The following MYH16 variants were observed in gnomAD, a reference collection of about 807,000 sequenced individuals.
The protein encoded by MYH16 is putative uncharacterized protein MYH16.
intron 21 of MYH16, among the ~76,000 whole-genome samples, chr7:99,278,630 G>A (rs534929751): frequency 6.6e-6 from 1 of 152,296 alleles, no homozygotes; most frequent in East Asian, 1.9e-4. Flanking sequence ...CAGTTTGGCA[G>A]ACATTTAGAG....
chr7:99,292,489 G>A (rs1792400370), exon 32 of MYH16: 4 of 468,460 alleles, frequency 8.5e-6, no homozygotes, highest in South Asian at 6.1e-5. Flanking sequence ...CCAGAGGACA[G>A]AGGAGCTGGA....
chr7:99,277,916 T>TGAGAGAGA (rs36065407), intron 21 of MYH16, among the ~76,000 whole-genome samples: 1 of 132,224 alleles, frequency 7.6e-6, no homozygotes, highest in Non-Finnish European at 1.6e-5. Flanking sequence ...TGTGTGTGTG[T>TGAGAGAGA]GAGAGAGAGA....
intron 39 of MYH16, among the ~76,000 whole-genome samples, chr7:99,303,518 G>A (rs1040618195): frequency 1.3e-5 from 2 of 152,212 alleles, no homozygotes; most frequent in African/African-American, 4.8e-5. Context: ...AAACAGCCTT[G>A]GGCCAGGCAT....
At chr7:99,278,602 C>T (rs147727287) in intron 21 of MYH16, among the ~76,000 whole-genome samples, 2 of 152,154 alleles carry the variant, frequency 1.3e-5, no homozygotes, top group African/African-American at 2.4e-5. Context: ...TCACGTGCAT[C>T]GTACAGGGTA....
intron 33 of MYH16, 128 bp downstream of exon 14, chr7:99,294,278 G>C (rs2150830427): frequency 3.0e-6 from 1 of 336,874 alleles, no homozygotes; most frequent in African/African-American, 2.2e-5. Flanking sequence ...GTGCAATGCA[G>C]GGGTGCCTTC....
chr7:99,287,494 T>C lies in MYH16; in HGVS notation n.3461-398T>C, dbSNP rs953704559. 1.4e-5 allele frequency among the ~76,000 whole-genome samples: 2 copies of C among 145,732 alleles called. 1 individual carries two copies. The highest frequency in any genetic ancestry group is 5.2e-5 in the African/African-American group (2 of 38,548). On this transcript the variant is annotated intron_variant and non_coding_transcript_variant, in intron 28 of 41. Coordinates refer to ENST00000439784, the Ensembl canonical transcript of MYH16. ...GGTTGCAGTGAGCCGAGATGTGCCATTGCACTGCAGCCTGGGCAACAAGAG... is the reference window on the plus strand; with the variant it reads ...GGTTGCAGTGAGCCGAGATGTGCCACTGCACTGCAGCCTGGGCAACAAGAG...
exon 25 of MYH16, chr7:99,283,928 G>A (rs763027915): frequency 5.5e-5 from 25 of 456,570 alleles, no homozygotes; most frequent in Admixed American, 1.9e-4. Context: ...GAAAAGGCTC[G>A]TCGGAAAGCT....
intron 15 of MYH16, among the ~76,000 whole-genome samples, chr7:99,264,508 A>G (rs142820819): frequency 2.0e-3 from 302 of 152,308 alleles, no homozygotes; most frequent in Middle Eastern, 6.8e-3. Flanking sequence ...CCTGGAGAGT[A>G]AAGGGATTTG....
At chr7:99,272,039 G>A (rs571106088) in intron 19 of MYH16, among the ~76,000 whole-genome samples, 1 of 152,238 alleles carries the variant, frequency 6.6e-6, no homozygotes, top group African/African-American at 2.4e-5. Flanking sequence ...TTGAATTAGG[G>A]TCCACCTTAC....
In MYH16 at chr7:99,280,988, T is replaced by G; in HGVS notation, n.2992+8T>G. ...CTAGAGGAGCTGCACCAGGTAGGTT[T>G]CCCTTGCATCTTCCCTCAGCCCAGC... is the stretch of plus-strand genomic sequence containing the variant. On this transcript the variant is annotated splice_region_variant and intron_variant and non_coding_transcript_variant, in intron 23 of 41. Transcript: ENST00000439784. 5.2e-6 allele frequency: 2 copies of G among 381,696 alleles called. No individual in the cohort carries two copies. The highest frequency in any genetic ancestry group is 1.0e-5 in the Non-Finnish European group (2 of 192,774). The allele number at this position is 381,696 out of a possible 1,614,324, so 23.6% of individuals were successfully genotyped here.
At chr7:99,310,856 T>A (rs957076336), downstream of MYH16, 3 of 151,992 alleles carry the variant, frequency 2.0e-5, no homozygotes, top group Non-Finnish European at 4.4e-5. Flanking sequence ...AAGAGACAGG[T>A]GGTGAAGAAT....
intron 30 of MYH16, among the ~76,000 whole-genome samples, chr7:99,290,364 G>A (rs369025258): frequency 1.3e-5 from 2 of 151,730 alleles, no homozygotes; most frequent in Middle Eastern, 3.4e-3. Flanking sequence ...GCGCACACTG[G>A]TGGTCCCAGC....
chr7:99,308,293 T>TAA (rs10556699), downstream of MYH16, among the ~76,000 whole-genome samples: 15 of 40,190 alleles, frequency 3.7e-4, no homozygotes, highest in East Asian at 9.4e-4. Flanking sequence ...AGGCTCTGTC[T>TAA]AAAAAAAAAA....
chr7:99,259,443 A>C (rs2150810779), intron 11 of MYH16, among the ~76,000 whole-genome samples: 1 of 152,034 alleles, frequency 6.6e-6, no homozygotes, highest in Non-Finnish European at 1.5e-5. Context: ...GTGAGACCTC[A>C]TCTTTTTTTA....
chr7:99,283,570 C>T (rs1277975346), exon 24 of MYH16: 1 of 456,022 alleles, frequency 2.2e-6, no homozygotes, highest in African/African-American at 2.0e-5. Flanking sequence ...TCCAGAAAAC[C>T]CTGGACGACC....
chr7:99,240,337 T>G (rs1791652849), intron 1 of MYH16, among the ~76,000 whole-genome samples: 1 of 152,096 alleles, frequency 6.6e-6, no homozygotes, highest in African/African-American at 2.4e-5. Context: ...CATGGTGGGC[T>G]GCCAAGAGGG....
At chr7:99,274,315 C>T (rs1401507409) in intron 20 of MYH16, among the ~76,000 whole-genome samples, 1 of 152,156 alleles carries the variant, frequency 6.6e-6, no homozygotes, top group African/African-American at 2.4e-5. Flanking sequence ...TGTCTCTGGG[C>T]ACCAGAAGAG....
chr7:99,299,937 T>TTATC (rs1792564800), intron 37 of MYH16, among the ~76,000 whole-genome samples: 2 of 121,742 alleles, frequency 1.6e-5, no homozygotes, highest in African/African-American at 6.6e-5. Context: ...TTTTATTTAT[T>TTATC]TATTTATTTA....
intron 38 of MYH16, among the ~76,000 whole-genome samples, 168 bp from the exon 20 acceptor site, chr7:99,302,896 GA>G (rs370294941): frequency 0.078 from 11,348 of 144,748 alleles, 573 homozygotes; most frequent in African/African-American, 0.15. Context: ...AAAAAAAAAA[GA>G]AAAAAAAAAG....
Sources: gnomAD v4.1 joint callset for allele counts (sites outside exome capture counted in the v4.1 genomes callset) on GRCh38, gnomAD v4.1.1 for gene constraint, MANE v1.5 for transcripts, NCBI Gene and HGNC (gene_info 2026-07-23, HGNC 2026-07-21) for gene names.